The following GOLPH3 variants were observed in gnomAD, a reference collection of about 807,000 sequenced individuals.
GOLPH3 encodes the protein golgi phosphoprotein 3.
GOLPH3 carries 14 observed loss-of-function variants against 28.5 expected under a neutral mutation model. The ratio of observed to expected loss-of-function variants is 0.49; its 90% CI spans 0.32 to 0.77. The LOEUF (loss-of-function observed/expected upper bound fraction) is 0.77, where lower values mean the gene tolerates loss of function less well. Among genes scored for constraint, GOLPH3 ranks in the 30% least tolerant of loss-of-function variants. GOLPH3 has a pLI of 0.03. For synonymous variants in GOLPH3, 158 were observed against 159.2 expected, an observed-to-expected ratio of 0.99 and a Z score of 0.06; for missense variants, 350 against 393.7, an observed-to-expected ratio of 0.89 and a Z score of 0.94.
rs1746570452 is a variant in GOLPH3, at chr5:32,161,288, G to A, written c.225+12522C>T. ...TATAGTGGCGCACGCCTGTAGTCCCGGCTACTTGGAAGGCTGAGGTGGGAG... is the reference window on the plus strand; with the variant it reads ...TATAGTGGCGCACGCCTGTAGTCCCAGCTACTTGGAAGGCTGAGGTGGGAG... On this transcript the variant is annotated intron_variant, in intron 1 of 3. Coordinates refer to ENST00000265070, the MANE Select transcript of GOLPH3 (RefSeq NM_022130.4). 2.0e-5 allele frequency among the ~76,000 whole-genome samples: 3 copies of A among 149,638 alleles called. 1 individual carries two copies. The highest frequency in any genetic ancestry group is 7.6e-5 in the African/African-American group (3 of 39,574).
chr5:32,152,403 G>GT (rs1169659985), intron 1 of GOLPH3, among the ~76,000 whole-genome samples: 1 of 146,046 alleles, frequency 6.8e-6, no homozygotes, highest in Non-Finnish European at 1.5e-5. Flanking sequence ...GGGATTACAG[G>GT]TATGAGCCAC....
At position 32,167,791 on chromosome 5, in the gene GOLPH3, AT is replaced by A. The variant is rs984039956; in HGVS notation, c.225+6018del. On this transcript the variant is annotated intron_variant, in intron 1 of 3. Transcript: ENST00000265070. ...TGAGACCACGTCTCTACAAAAAAAA[AT>A]TTTTTTTTTTAATTAGCTGGGCATG... Among the ~76,000 whole-genome samples the A allele has an allele frequency of 9.2e-3, 1,385 of 149,832 alleles. 22 individuals are homozygous for A. Among genetic ancestry groups the A allele is most frequent in the African/African-American group, 0.033 (1,345 of 40,948 alleles).
At chr5:32,150,165 A>G (rs1165271095) in intron 1 of GOLPH3, among the ~76,000 whole-genome samples, 14 of 152,126 alleles carry the variant, frequency 9.2e-5, no homozygotes, top group Admixed American at 5.2e-4. Context: ...AATACTAAAA[A>G]GTTAAAATAT....
At chr5:32,165,825 T>C (rs1018955002) in intron 1 of GOLPH3, among the ~76,000 whole-genome samples, 1 of 152,234 alleles carries the variant, frequency 6.6e-6, no homozygotes, top group Non-Finnish European at 1.5e-5. Flanking sequence ...ATGCTGCTTC[T>C]AAATGTCATT....
Position 32,135,759 on chromosome 5 carries a change from A to G in GOLPH3, c.358-73T>C. 3 of 818,682 alleles carry G rather than the reference A, an allele frequency of 3.7e-6. No individual in the cohort carries two copies. In the South Asian group the frequency reaches 4.4e-5, roughly 12 times the overall value. The allele number at this position is 818,682 out of a possible 1,614,324, so 50.7% of individuals were successfully genotyped here. On this transcript the variant is annotated intron_variant, in intron 2 of 3. Transcript: ENST00000265070. ...GAGTTGATCTCATTAAATGAAAAACAAACAATTATATAAATAATTCATTAT... is the reference window on the plus strand; with the variant it reads ...GAGTTGATCTCATTAAATGAAAAACGAACAATTATATAAATAATTCATTAT...
intron 1 of GOLPH3, among the ~76,000 whole-genome samples, chr5:32,163,800 A>G (rs1043854842): frequency 1.3e-5 from 2 of 152,184 alleles, no homozygotes; most frequent in Non-Finnish European, 2.9e-5. Context: ...TTAGCTACAC[A>G]ACATGGTATA....
rs185597837 is a variant in GOLPH3, at chr5:32,141,501, G to A, written c.357+2248C>T. 1.9e-4 allele frequency among the ~76,000 whole-genome samples: 29 copies of A among 152,276 alleles called. No homozygotes were observed. In the East Asian group the frequency reaches 5.0e-3, roughly 26 times the overall value. ...TGATGAAAAGATCAATAGCCTATGC[G>A]TAAATTGCACAATAACACTTCTGAG... On this transcript the variant is annotated intron_variant, in intron 2 of 3. Coordinates refer to ENST00000265070, the MANE Select transcript of GOLPH3 (RefSeq NM_022130.4).
chr5:32,139,822 G>A lies in GOLPH3; in HGVS notation c.357+3927C>T, dbSNP rs567919217. ...AGAAACAGATATAATACAGATAAAG[G>A]AAATTTTCAAAAGAGGTGTGATACC... On this transcript the variant is annotated intron_variant, in intron 2 of 3. Transcript: ENST00000265070. 7.9e-5 allele frequency among the ~76,000 whole-genome samples: 12 copies of A among 152,158 alleles called. No homozygotes were observed. The South Asian group carries it at 1.0e-3, about 13-fold the overall frequency.
intron 1 of GOLPH3, among the ~76,000 whole-genome samples, chr5:32,148,787 ACT>A (rs999297434): frequency 8.5e-5 from 13 of 152,058 alleles, no homozygotes; most frequent in Admixed American, 2.0e-4. Context: ...AGAGAGCAAG[ACT>A]CTGTCTCAAA....
intron 1 of GOLPH3, among the ~76,000 whole-genome samples, chr5:32,162,906 G>A (rs550716191): frequency 3.7e-4 from 56 of 152,196 alleles, no homozygotes; most frequent in African/African-American, 1.2e-3. Flanking sequence ...GTGAAACCCC[G>A]TCTCTACCAA....
chr5:32,128,126 A>C (rs1297078472), intron 3 of GOLPH3, among the ~76,000 whole-genome samples: 1 of 152,232 alleles, frequency 6.6e-6, no homozygotes, highest in Non-Finnish European at 1.5e-5. Flanking sequence ...TTGGGCTGAA[A>C]GCTAAAGCTA....
intron 3 of GOLPH3, among the ~76,000 whole-genome samples, chr5:32,134,229 G>A (rs1256982560): frequency 1.3e-5 from 2 of 151,734 alleles, no homozygotes; most frequent in African/African-American, 2.4e-5. Flanking sequence ...TTCTTGAGAC[G>A]GGGTCTCACT....
chr5:32,128,741 C>A (rs1340565946), intron 3 of GOLPH3, among the ~76,000 whole-genome samples: 1 of 151,778 alleles, frequency 6.6e-6, no homozygotes, highest in Non-Finnish European at 1.5e-5. Context: ...CAAAATTCAA[C>A]ACTCTTTAAA....
intron 1 of GOLPH3, among the ~76,000 whole-genome samples, chr5:32,147,049 A>T (rs1746191590): frequency 6.6e-6 from 1 of 152,198 alleles, no homozygotes; most frequent in Admixed American, 6.5e-5. Context: ...TTTTGAAGTT[A>T]CATAAATATT....
intron 1 of GOLPH3, among the ~76,000 whole-genome samples, chr5:32,147,644 G>A (rs537537658): frequency 2.0e-5 from 3 of 152,012 alleles, no homozygotes; most frequent in Non-Finnish European, 2.9e-5. Context: ...AGGAAAACTC[G>A]TGGCAAGGAG....
Position 32,158,014 on chromosome 5 carries a change from T to TA in GOLPH3, c.226-14135dup, listed in dbSNP as rs1197883824. On this transcript the variant is annotated intron_variant, in intron 1 of 3. Coordinates refer to ENST00000265070, the MANE Select transcript of GOLPH3 (RefSeq NM_022130.4). ...ATAAATAAATAAATAAATAAATAAA[T>TA]AAATAAAATACACACACACACACAC... Among the ~76,000 whole-genome samples, 23 of 33,486 alleles carry TA rather than the reference T, an allele frequency of 6.9e-4. 1 individual carries two copies. The highest frequency in any genetic ancestry group is 2.5e-3 in the East Asian group (4 of 1,594). 22.0% of individuals were successfully genotyped at this position (33,486 alleles called of 152,430 possible).
rs80193827 is a variant in GOLPH3 at position 32,144,415 on chromosome 5, A to C, written c.226-535T>G. 3.0e-3 allele frequency among the ~76,000 whole-genome samples: 453 copies of C among 152,288 alleles called. 2 individuals are homozygous for C. Among genetic ancestry groups the C allele is most frequent in the African/African-American group, 0.011 (443 of 41,550 alleles). On this transcript the variant is annotated intron_variant, in intron 1 of 3. Coordinates refer to ENST00000265070, the MANE Select transcript of GOLPH3 (RefSeq NM_022130.4). ...AGACCAGACTGGACAACATAGTGAG[A>C]TCCTGTTTCTACCAAAAAAAATTAA... is the stretch of plus-strand genomic sequence containing the variant.
intron 1 of GOLPH3, among the ~76,000 whole-genome samples, chr5:32,170,683 C>T (rs1462026937): frequency 6.6e-6 from 1 of 152,014 alleles, no homozygotes; most frequent in Admixed American, 6.6e-5. Flanking sequence ...TGATGGCATG[C>T]ACCTTGTATT....
intron 1 of GOLPH3, among the ~76,000 whole-genome samples, chr5:32,163,669 TA>T (rs1561683710): frequency 1.0e-5 from 1 of 97,594 alleles, no homozygotes; most frequent in African/African-American, 3.2e-5. Context: ...TATACATATA[TA>T]TATATATTTT....
Sources: allele counts gnomAD v4.1 joint callset (sites outside exome capture counted in the v4.1 genomes callset), GRCh38; gene constraint gnomAD v4.1.1; transcripts MANE v1.5; gene names NCBI Gene and HGNC (gene_info 2026-07-23, HGNC 2026-07-21).